Variants in TPTE observed in about 807,000 individuals in gnomAD.
TPTE encodes transmembrane phosphatase with tensin homology.
Under a neutral mutation model 84.1 loss-of-function variants are expected in TPTE, and 59 were observed. That is an observed-to-expected ratio of 0.70 (90% CI 0.57 to 0.87). TPTE has a LOEUF of 0.87. Among genes scored for constraint, TPTE ranks in the 40% least tolerant of loss-of-function variants. TPTE has a pLI of 0.00. For missense variants in TPTE, 382 were observed against 659.6 expected, an observed-to-expected ratio of 0.58 and a Z score of 4.61; for synonymous variants, 130 against 223.5, an observed-to-expected ratio of 0.58 and a Z score of 3.73.
intron 14 of TPTE, among the ~76,000 whole-genome samples, chr21:10,576,862 T>TAC (rs2075164308): frequency 1.5e-5 from 2 of 134,890 alleles, no homozygotes; most frequent in South Asian, 2.2e-4. Flanking sequence ...TATATATATA[T>TAC]ATATATATAT....
intron 19 of TPTE, among the ~76,000 whole-genome samples, chr21:10,594,299 G>A (rs2075540284): frequency 6.6e-6 from 1 of 152,310 alleles, no homozygotes; most frequent in East Asian, 1.9e-4. Context: ...GTAGTCTCTT[G>A]CTTTTTCAAT....
At chr21:10,535,559 T>A (rs372468951) in intron 3 of TPTE, among the ~76,000 whole-genome samples, 156 of 152,334 alleles carry the variant, frequency 1.0e-3, no homozygotes, top group African/African-American at 3.7e-3. Context: ...TTCTTCCTCT[T>A]AGTATATTTG....
intron 3 of TPTE, among the ~76,000 whole-genome samples, chr21:10,530,411 G>A (rs1242549617): frequency 3.3e-5 from 5 of 152,420 alleles, no homozygotes; most frequent in African/African-American, 4.8e-5. Context: ...ATGTATTATT[G>A]TTTTGCCTAT....
chr21:10,591,634 C>A (rs1476790982), intron 18 of TPTE, among the ~76,000 whole-genome samples: 1 of 152,306 alleles, frequency 6.6e-6, no homozygotes, highest in Admixed American at 6.5e-5. Flanking sequence ...GATCCAGAGC[C>A]CTAGACTGAG....
intron 10 of TPTE, among the ~76,000 whole-genome samples, chr21:10,561,564 G>C (rs956479584): frequency 6.6e-6 from 1 of 152,280 alleles, no homozygotes; most frequent in African/African-American, 2.4e-5. Context: ...AAGAGCCTTT[G>C]GGCCTTATGA....
intron 2 of TPTE, among the ~76,000 whole-genome samples, 197 bp downstream of exon 2, chr21:10,524,885 G>A (rs1183196120): frequency 6.6e-6 from 1 of 152,300 alleles, no homozygotes; most frequent in Non-Finnish European, 1.5e-5. Flanking sequence ...TGTTGTCTGT[G>A]ACCCAGCAAA....
chr21:10,523,772 C>T (rs1203608979), intron 1 of TPTE, among the ~76,000 whole-genome samples: 1 of 152,306 alleles, frequency 6.6e-6, no homozygotes, highest in Non-Finnish European at 1.5e-5. Flanking sequence ...GTGCATGTGT[C>T]TGTATAGCAG....
rs528173151 is a variant in TPTE at position 10,534,616 on chromosome 21, C to T, written c.-43-4065C>T. 5.2e-5 allele frequency among the ~76,000 whole-genome samples: 8 copies of T among 152,424 alleles called. No individual in the cohort carries two copies. The East Asian group carries it at 7.7e-4, about 15-fold the overall frequency. ...GATATCACTAAACCATGATGGAGTC[C>T]TCAGTGAAAGTGAAATGATATCACT... On this transcript the variant is annotated intron_variant, in intron 3 of 23. Transcript: ENST00000618007.
chr21:10,534,279 G>C (rs1329117373), intron 3 of TPTE, among the ~76,000 whole-genome samples: 1 of 152,308 alleles, frequency 6.6e-6, no homozygotes, highest in Non-Finnish European at 1.5e-5. Flanking sequence ...GGCAGGTGGA[G>C]GAGTGAAGGC....
At chr21:10,599,722 C>CAAAAA (rs1161094363) in intron 21 of TPTE, among the ~76,000 whole-genome samples, 4 of 152,412 alleles carry the variant, frequency 2.6e-5, no homozygotes, top group African/African-American at 9.6e-5. Context: ...GAGCTTTTTT[C>CAAAAA]CATGAGTAGC....
chr21:10,589,278 A>G (rs1381516190), intron 17 of TPTE, among the ~76,000 whole-genome samples: 1 of 152,258 alleles, frequency 6.6e-6, no homozygotes, highest in Non-Finnish European at 1.5e-5. Context: ...CTGCAGCCCT[A>G]TGCACTTCTG....
At chr21:10,583,475 A>G (rs540203112) in intron 17 of TPTE, among the ~76,000 whole-genome samples, 297 of 151,936 alleles carry the variant, frequency 2.0e-3, no homozygotes, top group Non-Finnish European at 2.9e-3. Flanking sequence ...TCTGATTTCA[A>G]TTCTGTTATT....
At chr21:10,525,292 A>T (rs1331473839) in intron 2 of TPTE, among the ~76,000 whole-genome samples, 115 of 152,378 alleles carry the variant, frequency 7.5e-4, no homozygotes, top group Middle Eastern at 3.4e-3. Flanking sequence ...TGTTTTGGAG[A>T]CAGCCCACCC....
chr21:10,556,022 T>G (rs1255402820), intron 8 of TPTE, among the ~76,000 whole-genome samples: 1 of 152,302 alleles, frequency 6.6e-6, no homozygotes, highest in African/African-American at 2.4e-5. Context: ...GAATCATTTA[T>G]TTACATTTTC....
Position 10,551,714 on chromosome 21 carries a change from C to CA in TPTE, c.174-934dup, listed in dbSNP as rs147086521. 4.2e-4 allele frequency among the ~76,000 whole-genome samples: 64 copies of CA among 151,536 alleles called. No individual in the cohort carries two copies. The South Asian group carries it at 6.5e-3, about 15-fold the overall frequency. Reference sequence around the variant, plus strand: ...AGACCCAAATAAGTAAAATCAGAAACAAAAAAAAAGAGACCTCATAACAGA... The same window carrying CA: ...AGACCCAAATAAGTAAAATCAGAAACAAAAAAAAAAGAGACCTCATAACAGA... On this transcript the variant is annotated intron_variant, in intron 7 of 23. Coordinates refer to ENST00000618007, the MANE Select transcript of TPTE (RefSeq NM_199261.4).
intron 10 of TPTE, among the ~76,000 whole-genome samples, chr21:10,562,224 C>G (rs866685995): frequency 0.014 from 2,166 of 151,470 alleles, no homozygotes; most frequent in African/African-American, 0.05. Flanking sequence ...ATCACAGTAT[C>G]CAAGTTCTTT....
At chr21:10,561,260 G>C in intron 10 of TPTE, 69 bp downstream of exon 10, 1 of 1,583,884 alleles carries the variant, frequency 6.3e-7, no homozygotes, top group South Asian at 1.1e-5. Context: ...TTCGGAGGCT[G>C]AGGTGGGAGG....
chr21:10,528,475 A>T (rs1254327969), intron 3 of TPTE, among the ~76,000 whole-genome samples: 2 of 152,308 alleles, frequency 1.3e-5, no homozygotes, highest in Non-Finnish European at 2.9e-5. Context: ...TATCTTTTAG[A>T]TTCAAGGAAT....
At chr21:10,534,938 A>C (rs1448022469) in intron 3 of TPTE, among the ~76,000 whole-genome samples, 1 of 152,312 alleles carries the variant, frequency 6.6e-6, no homozygotes, top group Non-Finnish European at 1.5e-5. Flanking sequence ...GGCTGCTTTA[A>C]AAAAGTATCA....
Sources: gnomAD v4.1 joint callset for allele counts (sites outside exome capture counted in the v4.1 genomes callset) on GRCh38, gnomAD v4.1.1 for gene constraint, MANE v1.5 for transcripts, NCBI Gene and HGNC (gene_info 2026-07-23, HGNC 2026-07-21) for gene names.